STOX2: variants seen among roughly 807,000 people sequenced by gnomAD.
STOX2 encodes storkhead-box protein 2.
Under a neutral mutation model 60.9 loss-of-function variants are expected in STOX2, and 28 were observed. The observed-to-expected ratio is 0.46, with a 90% CI of 0.34 to 0.63. The LOEUF is 0.63. Ranked by LOEUF, STOX2 falls within the 30% of genes least tolerant of loss-of-function variation. The pLI, the probability that STOX2 is intolerant of heterozygous loss-of-function variation, is 0.01. For synonymous variants in STOX2, 472 were observed against 463.9 expected (o/e 1.02, Z -0.22); for missense variants, 1,024 against 1,187.7 (o/e 0.86, Z 2.03).
At chr4:184,004,795 A>G (rs1733754971) in intron 2 of STOX2, among the ~76,000 whole-genome samples, 1 of 152,234 alleles carries the variant, frequency 6.6e-6, no homozygotes, top group Non-Finnish European at 1.5e-5. Context: ...TTGTATTTCT[A>G]AATAACTATG....
At chr4:183,925,411 G>A (rs2111107202) in intron 1 of STOX2, among the ~76,000 whole-genome samples, 1 of 152,170 alleles carries the variant, frequency 6.6e-6, no homozygotes, top group South Asian at 2.1e-4. Flanking sequence ...TTGAACTCCT[G>A]GGCTCAAGAG....
intron 1 of STOX2, among the ~76,000 whole-genome samples, chr4:183,966,692 C>T (rs1161853996): frequency 5.3e-5 from 8 of 152,216 alleles, no homozygotes; most frequent in Admixed American, 3.3e-4. Flanking sequence ...TTTCACTCAT[C>T]TTTAGCATGA....
At chr4:183,970,955 A>C (rs776961513) in intron 1 of STOX2, among the ~76,000 whole-genome samples, 17 of 152,258 alleles carry the variant, frequency 1.1e-4, no homozygotes, top group Non-Finnish European at 2.2e-4. Flanking sequence ...TATGATATGA[A>C]CATTGCCTTC....
intron 1 of STOX2, among the ~76,000 whole-genome samples, chr4:183,831,947 C>T (rs1172463772): frequency 2.0e-5 from 3 of 151,154 alleles, no homozygotes; most frequent in Non-Finnish European, 4.4e-5. Context: ...CCTGAAGCTT[C>T]TTCTGGTGAA....
upstream of STOX2, among the ~76,000 whole-genome samples, chr4:183,901,395 C>T (rs1160948690): frequency 3.9e-5 from 6 of 152,108 alleles, no homozygotes; most frequent in African/African-American, 4.8e-5. Flanking sequence ...GATATCTCTT[C>T]GAGTCCCTGC....
At chr4:183,947,412 G>GT (rs11397718) in intron 1 of STOX2, among the ~76,000 whole-genome samples, 173 of 152,232 alleles carry the variant, frequency 1.1e-3, no homozygotes, top group African/African-American at 2.9e-3. Flanking sequence ...AGTTTGTGGG[G>GT]TGGGGCTGTC....
intron 1 of STOX2, among the ~76,000 whole-genome samples, chr4:183,971,162 G>A (rs548295654): frequency 4.6e-5 from 7 of 152,250 alleles, no homozygotes; most frequent in Non-Finnish European, 8.8e-5. Context: ...AGTGATACTC[G>A]TCTAAGGACC....
intron 1 of STOX2, among the ~76,000 whole-genome samples, chr4:183,898,019 A>G (rs139740631): frequency 0.015 from 2,288 of 152,314 alleles, 31 homozygotes; most frequent in Admixed American, 0.039. Flanking sequence ...TAACAAATAT[A>G]TTAGGCATAG....
chr4:183,858,532 A>T (rs189058236), intron 1 of STOX2, among the ~76,000 whole-genome samples: 132 of 152,286 alleles, frequency 8.7e-4, no homozygotes, highest in African/African-American at 3.1e-3. Context: ...TCAGAGATTT[A>T]AAAAAGTTAC....
intron 1 of STOX2, among the ~76,000 whole-genome samples, chr4:183,822,425 A>G (rs536560300): frequency 6.6e-6 from 1 of 152,316 alleles, no homozygotes; most frequent in South Asian, 2.1e-4. Flanking sequence ...TGTTATATAT[A>G]ATGAAATAAT....
In STOX2 at chr4:183,811,213, C is replaced by T. The variant is rs150327383; in HGVS notation, c.364+13158C>T. 1.8e-3 allele frequency among the ~76,000 whole-genome samples: 270 copies of T among 152,202 alleles called. 2 individuals are homozygous for T. The highest frequency in any genetic ancestry group is 6.1e-3 in the African/African-American group (255 of 41,520). On this transcript the variant is annotated intron_variant, in intron 1 of 2. Coordinates refer to the STOX2 transcript ENST00000513034. ...TAGATGGTACATGGGGACTGACACC[C>T]GTTTATTCTTAGGAGACTACATCAG... is the stretch of plus-strand genomic sequence containing the variant.
intron 1 of STOX2, among the ~76,000 whole-genome samples, chr4:183,811,214 G>A (rs1013160429): frequency 1.3e-5 from 2 of 152,126 alleles, no homozygotes. Context: ...ACTGACACCC[G>A]TTTATTCTTA....
At chr4:184,013,211 C>A (rs1734234259) in intron 3 of STOX2, among the ~76,000 whole-genome samples, 1 of 152,188 alleles carries the variant, frequency 6.6e-6, no homozygotes, top group Admixed American at 6.5e-5. Flanking sequence ...ACTAGAAAAC[C>A]TTCCACTGCA....
At chr4:183,982,094 C>A (rs1732676240) in intron 1 of STOX2, among the ~76,000 whole-genome samples, 1 of 152,222 alleles carries the variant, frequency 6.6e-6, no homozygotes, top group African/African-American at 2.4e-5. Flanking sequence ...GCTAGTAAAT[C>A]TTTGCAACCT....
intron 1 of STOX2, among the ~76,000 whole-genome samples, chr4:183,990,566 T>C (rs1733058513): frequency 7.1e-6 from 1 of 141,576 alleles, no homozygotes; most frequent in African/African-American, 2.6e-5. Context: ...GAGGGGCAGT[T>C]TAAAAAGCAG....
intron 1 of STOX2, among the ~76,000 whole-genome samples, chr4:183,799,128 G>A (rs1021287069): frequency 6.6e-6 from 1 of 152,200 alleles, no homozygotes; most frequent in Non-Finnish European, 1.5e-5. Flanking sequence ...CGCCATCTAT[G>A]CGTGTGACGA....
At chr4:183,813,212 G>A (rs1265580727) in intron 1 of STOX2, among the ~76,000 whole-genome samples, 2 of 152,174 alleles carry the variant, frequency 1.3e-5, no homozygotes, top group Non-Finnish European at 2.9e-5. Flanking sequence ...GTGAAAACCC[G>A]TCTCTACTAA....
chr4:183,998,242 C>T (rs1309696798), intron 1 of STOX2, among the ~76,000 whole-genome samples: 1 of 152,190 alleles, frequency 6.6e-6, no homozygotes, highest in Non-Finnish European at 1.5e-5. Flanking sequence ...CTGCATTGAT[C>T]CTGTCCCTCT....
Position 184,019,280 on chromosome 4 carries a change from C to T in STOX2, c.*1996C>T, listed in dbSNP as rs1734489037. 6.6e-6 allele frequency: 1 copy of T among 152,232 alleles called. No homozygotes were observed. Among genetic ancestry groups the T allele is most frequent in the South Asian group, 2.1e-4 (1 of 4,834 alleles). 9.4% of individuals were successfully genotyped at this position (152,232 alleles called of 1,614,324 possible). On this transcript the variant is annotated 3_prime_UTR_variant, in exon 4 of 4. Coordinates refer to ENST00000308497, the MANE Select transcript of STOX2 (RefSeq NM_020225.3). ...GCCTTATTTCCTCCAAGGCATGCCT[C>T]AACGCATTGTTTGTCTCATTGCTTA... is the stretch of plus-strand genomic sequence containing the variant.
Sources: allele counts gnomAD v4.1 joint callset (sites outside exome capture counted in the v4.1 genomes callset), GRCh38; gene constraint gnomAD v4.1.1; transcripts MANE v1.5; gene names NCBI Gene and HGNC (gene_info 2026-07-23, HGNC 2026-07-21).